Variants in ZNF384 observed in about 807,000 individuals in gnomAD.
ZNF384 encodes zinc finger protein 384, also known as CAG repeat protein 1.
A neutral mutation model predicts 65.0 loss-of-function variants in ZNF384; 20 were observed. That is an observed-to-expected ratio of 0.31 (90% CI 0.22 to 0.45). The LOEUF (loss-of-function observed/expected upper bound fraction) is 0.45. Ranked by LOEUF, ZNF384 falls within the 20% of genes least tolerant of loss-of-function variation. The pLI, the probability that ZNF384 is intolerant of heterozygous loss-of-function variation, is 1.00. For missense variants in ZNF384, 549 were observed against 769.4 expected, an observed-to-expected ratio of 0.71 and a Z score of 3.39; for synonymous variants, 310 against 303.9, an observed-to-expected ratio of 1.02 and a Z score of -0.21.
chr12:6,669,818 A>G (rs892782830), intron 10 of ZNF384, among the ~76,000 whole-genome samples: 1 of 152,182 alleles, frequency 6.6e-6, no homozygotes, highest in Admixed American at 6.5e-5. Context: ...TTTCAAAATA[A>G]TAAGACAATG....
intron 9 of ZNF384, among the ~76,000 whole-genome samples, chr12:6,671,183 A>C (rs909748150): frequency 1.3e-5 from 2 of 152,214 alleles, no homozygotes; most frequent in African/African-American, 2.4e-5. Context: ...AATGGCAAGG[A>C]AAAAGAAAAG....
chr12:6,685,680 G>C (rs1291426097), intron 2 of ZNF384, among the ~76,000 whole-genome samples: 1 of 151,466 alleles, frequency 6.6e-6, no homozygotes, highest in East Asian at 1.9e-4. Flanking sequence ...GGCTGAGACA[G>C]GGAATTGCCT....
rs1565418323 is a variant in ZNF384, at chr12:6,667,900, C to G, written c.1641G>C (p.Gln547His). ...CAGGAGACTGGAAGTGTGGTGGTGGCTGTTGCTGCTGCTGCTGCTGCTGCT... is the reference window on the plus strand; with the variant it reads ...CAGGAGACTGGAAGTGTGGTGGTGGGTGTTGCTGCTGCTGCTGCTGCTGCT... ...QQQQQQQQQQQPPPHFQSPGA... is the reference protein window; with the variant it reads ...QQQQQQQQQQHPPPHFQSPGA... Residue 547 changes from glutamine (Q) to histidine (H), a missense_variant, in exon 12 of 12, where the codon CAG (glutamine) becomes CAC (histidine). Physicochemically the swap from Gln to His is conservative, Grantham distance 24. This residue lies in a region of ZNF384 where 136 missense variants were observed against 183.0 expected (regional missense o/e 0.74). Transcript: ENST00000683879. 4 of 1,593,108 alleles carry G rather than the reference C, an allele frequency of 2.5e-6. No homozygotes were observed. The South Asian group carries it at 4.4e-5, about 18-fold the overall frequency.
chr12:6,677,376 A>G, intron 6 of ZNF384, 117 bp from the exon 7 acceptor site: 1 of 1,124,222 alleles, frequency 8.9e-7, no homozygotes, highest in Non-Finnish European at 1.1e-6. Flanking sequence ...TAGTTATCCC[A>G]CTCTATACAG....
intron 2 of ZNF384, among the ~76,000 whole-genome samples, chr12:6,684,132 C>T (rs575106182): frequency 2.6e-5 from 4 of 152,160 alleles, no homozygotes; most frequent in African/African-American, 7.2e-5. Context: ...TCATTTAGTC[C>T]CTGCAACAAT....
rs199603610 is a variant in ZNF384 at position 6,678,241 on chromosome 12, G to A, written c.572C>T (p.Pro191Leu). 2.0e-4 allele frequency: 325 copies of A among 1,614,072 alleles called. No homozygotes were observed. Among genetic ancestry groups the A allele is most frequent in the Non-Finnish European group, 2.7e-4 (315 of 1,180,008 alleles). ...GGGGSVAPKP[P>L]RGRKKKRMLE... ...CATCCGCTTCTTCTTCCGGCCCCGG[G>A]GTGGCTTAGGAGCCACACTGCCACC... Residue 191 changes from proline to leucine, a missense_variant, in exon 6 of 12, where the codon CCC (proline) becomes CTC (leucine). By Grantham distance (98) the Pro-to-Leu change is moderately conservative. Around this residue, in one of 5 missense-constraint regions of ZNF384, gnomAD observed 277 missense variants for 337.2 expected, o/e 0.82. Coordinates refer to ENST00000683879, the MANE Select transcript of ZNF384 (RefSeq NM_001385745.1). This position sits in a 1 kb window ranked among gnomAD's most constrained non-coding sequence, Gnocchi z 4.9.
intron 10 of ZNF384, 23 bp from the exon 11 acceptor site, chr12:6,669,212 G>A: frequency 6.3e-7 from 1 of 1,594,148 alleles, no homozygotes; most frequent in Non-Finnish European, 8.6e-7. Context: ...GGAGAAACCA[G>A]AATGAATACA....
At chr12:6,680,476 C>T (rs1022345358) in intron 2 of ZNF384, among the ~76,000 whole-genome samples, 6 of 151,878 alleles carry the variant, frequency 4.0e-5, no homozygotes, top group African/African-American at 1.5e-4. Flanking sequence ...TGGTGAAACC[C>T]CATCTCTACT....
rs910630966 is a variant in ZNF384 at position 6,667,034 on chromosome 12, G to A, written c.*680C>T. The A allele has an allele frequency of 4.5e-6, 1 of 222,982 alleles. No individual in the cohort carries two copies. Among genetic ancestry groups the A allele is most frequent in the African/African-American group, 2.2e-5 (1 of 44,572 alleles). 13.8% of individuals were successfully genotyped at this position (222,982 alleles called of 1,614,324 possible). On this transcript the variant is annotated 3_prime_UTR_variant, in exon 12 of 12. Coordinates refer to ENST00000683879, the MANE Select transcript of ZNF384 (RefSeq NM_001385745.1). ...AGGCAGAGAAGGAGAGAGGCTTCAAGGAAATCCGTAAAACCATAACACACA... is the reference window on the plus strand; with the variant it reads ...AGGCAGAGAAGGAGAGAGGCTTCAAAGAAATCCGTAAAACCATAACACACA...
At chr12:6,686,549 C>A (rs1194480204) in intron 2 of ZNF384, among the ~76,000 whole-genome samples, 1 of 152,210 alleles carries the variant, frequency 6.6e-6, no homozygotes, top group African/African-American at 2.4e-5. Flanking sequence ...CCACCGTGCC[C>A]GGCCAAGACT....
chr12:6,677,896 C>T (rs1249085292), intron 6 of ZNF384, among the ~76,000 whole-genome samples: 1 of 152,040 alleles, frequency 6.6e-6, no homozygotes, highest in Non-Finnish European at 1.5e-5. Context: ...TGTTAACGAC[C>T]CCCAAAACAA....
chr12:6,672,537 C>T lies in ZNF384; in HGVS notation c.1005-5G>A, dbSNP rs764794758. ...GTGTGCATCTTGGAGTGGATCCTGC[C>T]GGAGAGGAGAGGAGGGAAGGGGGGA... is the stretch of plus-strand genomic sequence containing the variant. On this transcript the variant is annotated splice_region_variant and splice_polypyrimidine_tract_variant and intron_variant, in intron 8 of 11. Transcript: ENST00000683879. This position sits in a 1 kb window ranked among gnomAD's most constrained non-coding sequence, Gnocchi z 4.4. The T allele has an allele frequency of 1.2e-5, 19 of 1,613,258 alleles. No homozygotes were observed. The highest frequency in any genetic ancestry group is 4.5e-5 in the East Asian group (2 of 44,860).
In ZNF384 at chr12:6,672,558, G is replaced by A. The variant is rs369843333; in HGVS notation, c.1005-26C>T. ...CTGCCGGAGAGGAGAGGAGGGAAGG[G>A]GGGAGGAGGAAGCAGTTCGACACCA... On this transcript the variant is annotated intron_variant, in intron 8 of 11. Transcript: ENST00000683879. This position sits in a 1 kb window ranked among gnomAD's most constrained non-coding sequence, Gnocchi z 4.4. 3.0e-5 allele frequency: 48 copies of A among 1,610,330 alleles called. 2 individuals carry two copies. In the South Asian group the frequency reaches 5.3e-4, roughly 18 times the overall value.
At chr12:6,669,963 A>C (rs1950907481) in intron 10 of ZNF384, among the ~76,000 whole-genome samples, 1 of 151,148 alleles carries the variant, frequency 6.6e-6, no homozygotes, top group African/African-American at 2.4e-5. Flanking sequence ...CACACACACA[A>C]ACACAAAGAT....
intron 9 of ZNF384, 131 bp from the exon 10 acceptor site, chr12:6,670,969 C>G: frequency 1.4e-6 from 1 of 705,298 alleles, no homozygotes; most frequent in Non-Finnish European, 2.4e-6. Flanking sequence ...GAGGCACCAG[C>G]CTTCCTCTCT....
Position 6,672,385 on chromosome 12 carries a change from G to C in ZNF384, c.1152C>G (p.Ala384=), listed in dbSNP as rs1261336182. 6.2e-7 allele frequency: 1 copy of C among 1,614,096 alleles called. No individual in the cohort carries two copies. The highest frequency in any genetic ancestry group is 1.3e-5 in the African/African-American group (1 of 75,062). Reference sequence around the variant, plus strand: ...GCTGGAGGTGGGAGAGCTGGCGGAAGGCCTTCTGGCAGTAGGAACAGTTGT... The same window carrying C: ...GCTGGAGGTGGGAGAGCTGGCGGAACGCCTTCTGGCAGTAGGAACAGTTGT... ...KPYNCSYCQK[A]FRQLSHLQQH... is the part of the protein sequence containing the mutation. Residue 384 remains alanine, a synonymous_variant, in exon 9 of 12, where the codon GCC becomes GCG. Coordinates refer to ENST00000683879, the MANE Select transcript of ZNF384 (RefSeq NM_001385745.1). This position sits in a 1 kb window ranked among gnomAD's most constrained non-coding sequence, Gnocchi z 4.4.
intron 2 of ZNF384, among the ~76,000 whole-genome samples, chr12:6,686,921 T>C (rs1415244965): frequency 6.6e-6 from 1 of 152,012 alleles, no homozygotes; most frequent in Admixed American, 6.6e-5. Context: ...AAGAAAAAGA[T>C]GGAAAAAAAC....
In ZNF384 at chr12:6,667,977, G is replaced by A; in HGVS notation, c.1564C>T (p.Gln522Ter). The A allele has an allele frequency of 1.9e-6, 3 of 1,611,994 alleles. No homozygotes were observed. The highest frequency in any genetic ancestry group is 2.5e-6 in the Non-Finnish European group (3 of 1,178,796). The stretch of plus-strand genomic sequence containing the variant: ...GCCTGGGAGGCCTGGGCCTGGGCCT[G>A]GGCTTGAGCCTGAGCCTGAGCCTGG... ...QAQAQAQAQA[Q>*]AQAQASQASQ... The change falls in exon 12 of 12, where the codon CAG (glutamine) becomes TAG (stop). Residue 522 changes from glutamine to a stop codon, truncating the protein, a stop_gained. Transcript: ENST00000683879. LOFTEE classifies it high-confidence loss of function.
chr12:6,669,258 G>A, intron 10 of ZNF384, 69 bp from the exon 11 acceptor site: 5 of 1,486,292 alleles, frequency 3.4e-6, no homozygotes, highest in Admixed American at 2.2e-5. Context: ...GACCTCGATG[G>A]AAAGCAAAAA....
Sources: gnomAD v4.1 joint callset for allele counts (sites outside exome capture counted in the v4.1 genomes callset) on GRCh38, gnomAD v4.1.1 for gene constraint, gnomAD v4.1.1 regional missense constraint, Gnocchi (gnomAD v3.1) non-coding constraint, MANE v1.5 for transcripts, NCBI Gene and HGNC (gene_info 2026-07-23, HGNC 2026-07-21) for gene names.